The following INPP4B variants were observed in gnomAD, a reference collection of about 807,000 sequenced individuals.
The protein encoded by INPP4B is inositol polyphosphate 4-phosphatase type II.
INPP4B carries 55 observed loss-of-function variants against 122.5 expected under a neutral mutation model. The observed-to-expected ratio is 0.45, with a 90% confidence interval of 0.36 to 0.56. The LOEUF (loss-of-function observed/expected upper bound fraction) is 0.56, where lower values mean the gene tolerates loss of function less well. Among genes scored for constraint, INPP4B ranks in the 20% least tolerant of loss-of-function variants. INPP4B has a pLI of 0.00. For synonymous variants in INPP4B, 403 were observed against 388.7 expected, an observed-to-expected ratio of 1.04 and a Z score of -0.43; for missense variants, 1,000 against 1,097.7, an observed-to-expected ratio of 0.91 and a Z score of 1.26.
rs336323 is a variant in INPP4B at position 142,086,307 on chromosome 4, T to A, written c.2375-51A>T. ...AAATAAAATGAGACAGTGTTCACAT[T>A]AAGCTGCCCATGGAGGTTTTTTCAA... On this transcript the variant is annotated intron_variant, in intron 23 of 25. Transcript: ENST00000262992. 7 of 1,007,476 alleles carry A rather than the reference T, an allele frequency of 6.9e-6. No homozygotes were observed. The Admixed American group carries it at 1.3e-4, about 19-fold the overall frequency. The allele number at this position is 1,007,476 out of a possible 1,614,324, so 62.4% of individuals were successfully genotyped here.
intron 2 of INPP4B, among the ~76,000 whole-genome samples, chr4:142,656,695 A>G (rs1166957514): frequency 6.6e-6 from 1 of 152,152 alleles, no homozygotes; most frequent in Admixed American, 6.5e-5. Flanking sequence ...TGGTGGAGGA[A>G]CCATTTGCAC....
At chr4:142,653,729 G>A (rs1039364319) in intron 2 of INPP4B, among the ~76,000 whole-genome samples, 2 of 152,174 alleles carry the variant, frequency 1.3e-5, no homozygotes, top group Non-Finnish European at 2.9e-5. Context: ...AACAGGTGCT[G>A]GAAAGGATGT....
chr4:142,447,391 GC>G, intron 3 of INPP4B, among the ~76,000 whole-genome samples: 1 of 152,288 alleles, frequency 6.6e-6, no homozygotes, highest in Non-Finnish European at 1.5e-5. Context: ...GGGTCTCTAG[GC>G]TGGATTGGGA....
intron 3 of INPP4B, among the ~76,000 whole-genome samples, chr4:142,441,390 A>T (rs1157181336): frequency 2.0e-5 from 3 of 152,204 alleles, no homozygotes; most frequent in African/African-American, 7.2e-5. Context: ...AAAGAGAAAG[A>T]TCATGCTACC....
At chr4:142,620,734 A>G (rs1744733607) in intron 2 of INPP4B, among the ~76,000 whole-genome samples, 1 of 152,086 alleles carries the variant, frequency 6.6e-6, no homozygotes, top group Non-Finnish European at 1.5e-5. Flanking sequence ...ACAACTATTT[A>G]GCAGCAGAGT....
rs1413324672 is a variant in INPP4B, at chr4:142,779,548, ATTT to A, written c.-253-53650_-253-53648del. On this transcript the variant is annotated intron_variant, in intron 1 of 25. Coordinates refer to ENST00000262992, the MANE Select transcript of INPP4B (RefSeq NM_001101669.3). ...AAATCCATGACTCGCAGCTATTATT[ATTT>A]ATTATTTTGTACCAACATGGTACAC... Among the ~76,000 whole-genome samples, 4 of 152,034 alleles carry A rather than the reference ATTT, an allele frequency of 2.6e-5. No homozygotes were observed. In the East Asian group the frequency reaches 7.8e-4, roughly 30 times the overall value.
At chr4:142,180,927 A>G (rs1830501476) in intron 15 of INPP4B, among the ~76,000 whole-genome samples, 1 of 152,188 alleles carries the variant, frequency 6.6e-6, no homozygotes, top group African/African-American at 2.4e-5. Flanking sequence ...ATTGTCTCAC[A>G]GTAAATTATT....
rs866220859 is a variant in INPP4B, at chr4:142,524,036, T to C, written c.-190-61310A>G. On this transcript the variant is annotated intron_variant, in intron 2 of 25. Coordinates refer to ENST00000262992, the MANE Select transcript of INPP4B (RefSeq NM_001101669.3). Reference sequence around the variant, plus strand: ...TATTCCATGGTGTATATGTGCCACATTTTCTTAATCCAGTCTATCATTGTT... The same window carrying C: ...TATTCCATGGTGTATATGTGCCACACTTTCTTAATCCAGTCTATCATTGTT... Among the ~76,000 whole-genome samples, 1,303 of 150,840 alleles carry C rather than the reference T, an allele frequency of 8.6e-3. 19 individuals are homozygous for C. Among genetic ancestry groups the C allele is most frequent in the African/African-American group, 0.027 (1,124 of 41,020 alleles).
chr4:142,806,164 A>G (rs1254833528), intron 1 of INPP4B, among the ~76,000 whole-genome samples: 1 of 151,126 alleles, frequency 6.6e-6, no homozygotes, highest in Non-Finnish European at 1.5e-5. Context: ...CTGTAGTCCC[A>G]GCTACTAGGG....
intron 2 of INPP4B, among the ~76,000 whole-genome samples, chr4:142,562,843 G>A (rs746369471): frequency 3.9e-5 from 6 of 152,092 alleles, no homozygotes; most frequent in Non-Finnish European, 8.8e-5. Flanking sequence ...GTTAGATATT[G>A]CTATTTTTTT....
At chr4:142,143,339 G>A (rs1263229259) in intron 18 of INPP4B, among the ~76,000 whole-genome samples, 5 of 81,390 alleles carry the variant, frequency 6.1e-5, no homozygotes, top group Admixed American at 1.5e-4. Context: ...CCCCTAAAAT[G>A]TAGGGTATAT....
intron 1 of INPP4B, among the ~76,000 whole-genome samples, chr4:142,775,847 T>C (rs1407608877): frequency 3.3e-5 from 5 of 152,158 alleles, no homozygotes; most frequent in South Asian, 4.1e-4. Flanking sequence ...TGTAGGTTTT[T>C]TTGCAGATGA....
chr4:142,526,836 G>T (rs1199961636), intron 2 of INPP4B, among the ~76,000 whole-genome samples: 1 of 130,778 alleles, frequency 7.6e-6, no homozygotes, highest in East Asian at 2.3e-4. Context: ...TAAAAAGCAG[G>T]CCAATAAAAC....
chr4:142,844,461 A>C (rs1783937057), intron 1 of INPP4B, among the ~76,000 whole-genome samples: 1 of 152,228 alleles, frequency 6.6e-6, no homozygotes, highest in Admixed American at 6.5e-5. Flanking sequence ...ACACTGAAAA[A>C]GCAATCCATT....
At chr4:142,266,020 G>A (rs1454854269) in intron 10 of INPP4B, among the ~76,000 whole-genome samples, 1 of 152,166 alleles carries the variant, frequency 6.6e-6, no homozygotes, top group African/African-American at 2.4e-5. Flanking sequence ...AGAGAAAGGA[G>A]CTCTACTTTG....
At chr4:142,560,582 T>C (rs57260347) in intron 2 of INPP4B, 47,542 of 152,064 alleles carry the variant, frequency 0.31, 8,634 homozygotes, top group East Asian at 0.79. Flanking sequence ...GGTCGAAGGC[T>C]GGGGGGCCCT....
At chr4:142,508,532 C>G (rs1824310241) in intron 2 of INPP4B, among the ~76,000 whole-genome samples, 1 of 152,150 alleles carries the variant, frequency 6.6e-6, no homozygotes, top group South Asian at 2.1e-4. Context: ...CCTCGGCCTC[C>G]CAAAGTGCTG....
At chr4:142,174,118 T>A (rs1219269) in intron 15 of INPP4B, among the ~76,000 whole-genome samples, 113,041 of 152,034 alleles carry the variant, frequency 0.74, 43,273 homozygotes, top group Non-Finnish European at 0.83. Flanking sequence ...GTATGTCAAG[T>A]ATTAGTATTC....
chr4:142,808,613 A>T (rs1779135129), intron 1 of INPP4B, among the ~76,000 whole-genome samples: 1 of 152,210 alleles, frequency 6.6e-6, no homozygotes, highest in South Asian at 2.1e-4. Flanking sequence ...AGGATCTAGA[A>T]CTTAACAGAG....
Sources: allele counts gnomAD v4.1 joint callset (sites outside exome capture counted in the v4.1 genomes callset), GRCh38; gene constraint gnomAD v4.1.1; transcripts MANE v1.5; gene names NCBI Gene and HGNC (gene_info 2026-07-23, HGNC 2026-07-21).